IMMP2L: variants seen among roughly 807,000 people sequenced by gnomAD.
IMMP2L encodes the protein inner mitochondrial membrane peptidase subunit 2.
IMMP2L carries 18 observed loss-of-function variants against 19.3 expected under a neutral mutation model. The observed-to-expected ratio is 0.93, with a 90% confidence interval of 0.64 to 1.38. IMMP2L has a LOEUF of 1.38. Among genes scored for constraint, IMMP2L ranks in the 40% most tolerant of loss-of-function variants. IMMP2L has a pLI of 0.00. For missense variants in IMMP2L, 233 were observed against 218.2 expected, an observed-to-expected ratio of 1.07 and a Z score of -0.43; for synonymous variants, 76 against 73.0, an observed-to-expected ratio of 1.04 and a Z score of -0.21.
At chr7:111,117,813 G>C (rs1800073955) in intron 3 of IMMP2L, among the ~76,000 whole-genome samples, 1 of 151,980 alleles carries the variant, frequency 6.6e-6, no homozygotes, top group Non-Finnish European at 1.5e-5. Flanking sequence ...ATGTACCCAT[G>C]GCAATTTTTT....
At chr7:111,143,063 G>T (rs1318723330) in intron 3 of IMMP2L, among the ~76,000 whole-genome samples, 2 of 151,804 alleles carry the variant, frequency 1.3e-5, no homozygotes, top group Non-Finnish European at 2.9e-5. Context: ...CTTTACATTT[G>T]TTCTGAGGTC....
chr7:110,701,996 A>G (rs1028194969), intron 5 of IMMP2L, among the ~76,000 whole-genome samples: 3 of 151,762 alleles, frequency 2.0e-5, no homozygotes, highest in Admixed American at 2.0e-4. Flanking sequence ...GAGTGCAGTG[A>G]CATGCTCACT....
intron 3 of IMMP2L, among the ~76,000 whole-genome samples, chr7:111,142,340 A>AAGAAAGAAAGAAAGAAAAGAAAGAAAG (rs1803008510): frequency 1.8e-4 from 3 of 16,332 alleles, no homozygotes; most frequent in African/African-American, 2.3e-4. Flanking sequence ...AAAAAAAAAA[A>AAGAAAGAAAGAAAGAAAAGAAAGAAAG]AAAGAAAGAA....
chr7:111,553,059 G>A (rs999802457), intron 1 of IMMP2L, among the ~76,000 whole-genome samples: 7 of 152,096 alleles, frequency 4.6e-5, no homozygotes, highest in Non-Finnish European at 7.4e-5. Flanking sequence ...AACCTCCAGA[G>A]AACCAAGCAA....
At chr7:110,749,209 C>A (rs1263501033) in intron 5 of IMMP2L, among the ~76,000 whole-genome samples, 1 of 152,160 alleles carries the variant, frequency 6.6e-6, no homozygotes, top group African/African-American at 2.4e-5. Flanking sequence ...CCATCTCATG[C>A]CAGTTAGAAT....
chr7:110,850,103 A>C (rs1313293097), intron 5 of IMMP2L, among the ~76,000 whole-genome samples: 2 of 152,094 alleles, frequency 1.3e-5, no homozygotes, highest in African/African-American at 4.8e-5. Flanking sequence ...AAAACTACTA[A>C]AGTCAGAAAA....
At chr7:111,163,192 C>T (rs1265962508) in intron 3 of IMMP2L, among the ~76,000 whole-genome samples, 1 of 152,096 alleles carries the variant, frequency 6.6e-6, no homozygotes, top group African/African-American at 2.4e-5. Flanking sequence ...TAAGGCCCAA[C>T]TTCGAGTGGG....
chr7:110,862,096 C>G (rs188834658), intron 5 of IMMP2L, among the ~76,000 whole-genome samples: 1 of 152,060 alleles, frequency 6.6e-6, no homozygotes, highest in African/African-American at 2.4e-5. Flanking sequence ...AAACTGTGTG[C>G]ATGTATGGAT....
intron 3 of IMMP2L, among the ~76,000 whole-genome samples, chr7:111,197,497 C>G (rs1809638992): frequency 6.6e-6 from 1 of 151,940 alleles, no homozygotes; most frequent in East Asian, 1.9e-4. Flanking sequence ...AAAAATGAAC[C>G]AAGTATTTAT....
chr7:111,099,388 C>G (rs1797734084), intron 3 of IMMP2L, among the ~76,000 whole-genome samples: 1 of 151,696 alleles, frequency 6.6e-6, no homozygotes, highest in Non-Finnish European at 1.5e-5. Context: ...CAATCTTCTT[C>G]AGTATGAATA....
chr7:111,344,871 G>A (rs1315714979), intron 3 of IMMP2L, among the ~76,000 whole-genome samples: 2 of 152,094 alleles, frequency 1.3e-5, no homozygotes, highest in African/African-American at 4.8e-5. Context: ...TAATAAGAGA[G>A]AACAAGTCGA....
chr7:110,865,178 C>T (rs1191215991), intron 5 of IMMP2L, among the ~76,000 whole-genome samples: 1 of 148,736 alleles, frequency 6.7e-6, no homozygotes, highest in Non-Finnish European at 1.5e-5. Context: ...CATACATTTG[C>T]ACACACACAC....
At chr7:110,851,708 C>T (rs147097486) in intron 5 of IMMP2L, among the ~76,000 whole-genome samples, 76 of 152,192 alleles carry the variant, frequency 5.0e-4, no homozygotes, top group Non-Finnish European at 9.4e-4. Flanking sequence ...ACACAAAAGC[C>T]TTTACCTTAC....
At chr7:111,124,543 A>C (rs1801057156) in intron 3 of IMMP2L, 1 of 1,613,682 alleles carries the variant, frequency 6.2e-7, no homozygotes, top group Non-Finnish European at 8.5e-7. Context: ...TGAGTATAAA[A>C]TTTGTATTGA....
intron 5 of IMMP2L, among the ~76,000 whole-genome samples, chr7:110,749,279 G>A (rs536395154): frequency 5.3e-5 from 8 of 152,054 alleles, no homozygotes; most frequent in African/African-American, 1.2e-4. Flanking sequence ...AAATAGGAAC[G>A]TTTTTACACT....
chr7:111,425,586 A>G (rs1835997408), intron 3 of IMMP2L, among the ~76,000 whole-genome samples: 1 of 151,180 alleles, frequency 6.6e-6, no homozygotes, highest in South Asian at 2.1e-4. Context: ...CAGAAAAGTG[A>G]TAAGATATGA....
At chr7:110,972,486 G>A (rs1820243967) in intron 3 of IMMP2L, among the ~76,000 whole-genome samples, 2 of 151,938 alleles carry the variant, frequency 1.3e-5, no homozygotes, top group African/African-American at 4.8e-5. Context: ...AAACTACATG[G>A]AGCTATAGAG....
chr7:110,931,737 T>C (rs558489237), intron 4 of IMMP2L, among the ~76,000 whole-genome samples: 1 of 152,286 alleles, frequency 6.6e-6, no homozygotes, highest in African/African-American at 2.4e-5. Flanking sequence ...CGTGGCTTCC[T>C]ATCTTACTTA....
chr7:110,907,242 G>A (rs1585217701), intron 4 of IMMP2L, among the ~76,000 whole-genome samples: 1 of 152,266 alleles, frequency 6.6e-6, no homozygotes, highest in African/African-American at 2.4e-5. Flanking sequence ...CAGGAAGAAT[G>A]AGGTCAGACG....
Sources: allele counts gnomAD v4.1 joint callset (sites outside exome capture counted in the v4.1 genomes callset), GRCh38; gene constraint gnomAD v4.1.1; transcripts MANE v1.5; gene names NCBI Gene and HGNC (gene_info 2026-07-23, HGNC 2026-07-21).